PTPRD: variants seen among roughly 807,000 people sequenced by gnomAD.
PTPRD encodes the protein receptor-type tyrosine-protein phosphatase delta.
Under a neutral mutation model 214.5 loss-of-function variants are expected in PTPRD, and 34 were observed. The observed-to-expected ratio is 0.16, with a 90% CI of 0.12 to 0.21. The LOEUF is 0.21. Among genes scored for constraint, PTPRD ranks in the 10% least tolerant of loss-of-function variants. PTPRD has a pLI of 1.00. For missense variants in PTPRD, 2,545 were observed against 2,398.7 expected, an observed-to-expected ratio of 1.06 and a Z score of -1.27; for synonymous variants, 1,128 against 845.7, an observed-to-expected ratio of 1.33 and a Z score of -5.79.
At chr9:8,514,777 T>G (rs1487052467) in intron 21 of PTPRD, among the ~76,000 whole-genome samples, 1 of 152,182 alleles carries the variant, frequency 6.6e-6, no homozygotes, top group Non-Finnish European at 1.5e-5. Context: ...ATGATTAGGC[T>G]CTGCGTCCCC....
At chr9:10,365,676 G>C (rs1384350921) in intron 2 of PTPRD, among the ~76,000 whole-genome samples, 1 of 151,892 alleles carries the variant, frequency 6.6e-6, no homozygotes, top group African/African-American at 2.4e-5. Context: ...AACATTTACT[G>C]AATAAATAAA....
chr9:8,943,672 A>ACCATT (rs2099046936), intron 11 of PTPRD, among the ~76,000 whole-genome samples: 2 of 151,448 alleles, frequency 1.3e-5, no homozygotes, highest in Non-Finnish European at 2.9e-5. Flanking sequence ...ATTTCCCAGA[A>ACCATT]TAAATGGTTC....
At chr9:9,385,748 T>A (rs2140542115) in intron 9 of PTPRD, among the ~76,000 whole-genome samples, 1 of 152,286 alleles carries the variant, frequency 6.6e-6, no homozygotes, top group Admixed American at 6.5e-5. Flanking sequence ...CATTAACTCA[T>A]TTAGTCGACA....
At chr9:10,035,057 T>TAC (rs2097153083) in intron 3 of PTPRD, among the ~76,000 whole-genome samples, 2 of 152,334 alleles carry the variant, frequency 1.3e-5, no homozygotes, top group South Asian at 4.1e-4. Flanking sequence ...TGAACTAATT[T>TAC]ACACTACTAC....
At chr9:9,364,223 A>C (rs867925684) in intron 9 of PTPRD, among the ~76,000 whole-genome samples, 7 of 151,530 alleles carry the variant, frequency 4.6e-5, no homozygotes, top group Admixed American at 6.6e-5. Flanking sequence ...ACACAGTTTT[A>C]TATGCACATA....
At chr9:8,407,567 C>T (rs183226454) in intron 35 of PTPRD, among the ~76,000 whole-genome samples, 2 of 152,150 alleles carry the variant, frequency 1.3e-5, no homozygotes, top group African/African-American at 4.8e-5. Flanking sequence ...GGAAGAAGCC[C>T]AACTTAAGAA....
At chr9:10,210,384 C>T (rs188142891) in intron 3 of PTPRD, among the ~76,000 whole-genome samples, 3 of 151,960 alleles carry the variant, frequency 2.0e-5, no homozygotes, top group East Asian at 3.9e-4. Context: ...CATAGGTATC[C>T]AGAAAATATG....
At chr9:8,837,562 G>A (rs2097459022) in intron 11 of PTPRD, among the ~76,000 whole-genome samples, 1 of 152,106 alleles carries the variant, frequency 6.6e-6, no homozygotes, top group Non-Finnish European at 1.5e-5. Flanking sequence ...GAGTACAGTA[G>A]CACAATCGTG....
At chr9:10,570,977 A>G (rs1232930810) in intron 2 of PTPRD, among the ~76,000 whole-genome samples, 1 of 151,898 alleles carries the variant, frequency 6.6e-6, no homozygotes, top group East Asian at 1.9e-4. Context: ...TCAAACCCAT[A>G]ACAGTGTGCA....
intron 14 of PTPRD, among the ~76,000 whole-genome samples, chr9:8,598,522 G>C (rs1213734866): frequency 6.6e-6 from 1 of 152,010 alleles, no homozygotes; most frequent in South Asian, 2.1e-4. Context: ...AAGTATCAAA[G>C]TACTGAAACA....
At chr9:9,595,307 TA>T (rs1410314011) in intron 7 of PTPRD, among the ~76,000 whole-genome samples, 1 of 72,808 alleles carries the variant, frequency 1.4e-5, no homozygotes, top group Non-Finnish European at 4.3e-5. Context: ...TATATATATA[TA>T]TATTATATAT....
intron 3 of PTPRD, among the ~76,000 whole-genome samples, chr9:10,154,386 A>G (rs547615598): frequency 6.0e-4 from 91 of 152,186 alleles, no homozygotes; most frequent in African/African-American, 2.0e-3. Flanking sequence ...CAAATGTACA[A>G]TTTGAACAAA....
intron 10 of PTPRD, among the ~76,000 whole-genome samples, chr9:9,081,603 T>A (rs148784859): frequency 3.3e-5 from 5 of 152,192 alleles, no homozygotes; most frequent in African/African-American, 1.2e-4. Flanking sequence ...GGTGTTAAAG[T>A]CTCCCAGTAT....
intron 5 of PTPRD, among the ~76,000 whole-genome samples, chr9:9,923,029 C>G (rs1602272454): frequency 6.6e-6 from 1 of 151,626 alleles, no homozygotes; most frequent in Middle Eastern, 3.4e-3. Flanking sequence ...GTAAGACTAT[C>G]TTTATCTTAG....
At chr9:8,691,510 C>G (rs1283125626) in intron 12 of PTPRD, among the ~76,000 whole-genome samples, 1 of 152,006 alleles carries the variant, frequency 6.6e-6, no homozygotes, top group East Asian at 1.9e-4. Flanking sequence ...GAACAAACCT[C>G]TCCTGGTTGG....
intron 5 of PTPRD, among the ~76,000 whole-genome samples, chr9:9,848,814 C>A (rs748067760): frequency 1.3e-5 from 2 of 151,998 alleles, no homozygotes; most frequent in Non-Finnish European, 2.9e-5. Context: ...AAGAAAAAAA[C>A]TAATAGCTAT....
At chr9:10,534,138 T>C (rs1270314765) in intron 2 of PTPRD, among the ~76,000 whole-genome samples, 1 of 151,930 alleles carries the variant, frequency 6.6e-6, no homozygotes, top group Non-Finnish European at 1.5e-5. Flanking sequence ...TGTCAGGTTG[T>C]TTAAGGATTA....
intron 36 of PTPRD, among the ~76,000 whole-genome samples, chr9:8,391,961 C>G (rs10815849): frequency 6.7e-6 from 1 of 150,320 alleles, no homozygotes; most frequent in Non-Finnish European, 1.5e-5. Context: ...ATAATAAATT[C>G]TTTTTGTTTA....
intron 11 of PTPRD, among the ~76,000 whole-genome samples, chr9:8,810,474 T>C (rs899970232): frequency 6.6e-6 from 1 of 152,286 alleles, no homozygotes; most frequent in Middle Eastern, 3.4e-3. Flanking sequence ...TCAGACTGCA[T>C]GGGCATTAGG....
Sources: gnomAD v4.1 joint callset for allele counts (sites outside exome capture counted in the v4.1 genomes callset) on GRCh38, gnomAD v4.1.1 for gene constraint, MANE v1.5 for transcripts, NCBI Gene and HGNC (gene_info 2026-07-23, HGNC 2026-07-21) for gene names.